Variants in PTK2B observed in about 807,000 individuals in gnomAD.
PTK2B encodes protein-tyrosine kinase 2-beta.
A neutral mutation model predicts 142.9 loss-of-function variants in PTK2B; 71 were observed. That is an observed-to-expected ratio of 0.50 (90% CI 0.41 to 0.61). The LOEUF (loss-of-function observed/expected upper bound fraction) is 0.61, where lower values mean the gene tolerates loss of function less well. Ranked by LOEUF, PTK2B falls within the 20% of genes least tolerant of loss-of-function variation. The pLI is 0.00. For synonymous variants in PTK2B, 519 were observed against 503.4 expected, an observed-to-expected ratio of 1.03 and a Z score of -0.42; for missense variants, 1,105 against 1,320.4, an observed-to-expected ratio of 0.84 and a Z score of 2.53.
chr8:27,416,836 G>A (rs958295270), intron 2 of PTK2B, among the ~76,000 whole-genome samples: 1 of 152,116 alleles, frequency 6.6e-6, no homozygotes, highest in Non-Finnish European at 1.5e-5. Flanking sequence ...TATATGAATG[G>A]CCTATAAACA....
intron 1 of PTK2B, among the ~76,000 whole-genome samples, chr8:27,326,404 A>G (rs1174306893): frequency 2.0e-5 from 3 of 152,182 alleles, no homozygotes; most frequent in East Asian, 1.9e-4. Context: ...CATATGGGTG[A>G]TGTTCTGCAA....
At chr8:27,360,061 G>T (rs1473132536) in intron 1 of PTK2B, among the ~76,000 whole-genome samples, 2 of 152,224 alleles carry the variant, frequency 1.3e-5, no homozygotes, top group Non-Finnish European at 2.9e-5. Flanking sequence ...TGATTAAGAT[G>T]TCTTTGTTAT....
At chr8:27,358,529 A>G (rs1805516626) in intron 1 of PTK2B, among the ~76,000 whole-genome samples, 1 of 151,976 alleles carries the variant, frequency 6.6e-6, no homozygotes, top group Non-Finnish European at 1.5e-5. Flanking sequence ...CTGTCTCTTT[A>G]TTTTTAACTT....
In PTK2B at chr8:27,458,647, T is replaced by G; in HGVS notation, c.*138T>G. On this transcript the variant is annotated 3_prime_UTR_variant, in exon 31 of 31. Transcript: ENST00000346049. ...TCCCTTGCCACTTTGCACGACGCCC[T>G]CTCCCCACCCCTACCCCTGGCTGTA... 1.2e-6 allele frequency: 1 copy of G among 837,944 alleles called. No homozygotes were observed. The highest frequency in any genetic ancestry group is 1.9e-6 in the Non-Finnish European group (1 of 534,834). 51.9% of individuals were successfully genotyped at this position (837,944 alleles called of 1,614,324 possible). A position where few individuals can be genotyped will look rare whatever the true frequency, so the allele number is the denominator to read the frequency against.
At chr8:27,311,412 G>T (rs961209824), upstream of PTK2B, 3 of 767,872 alleles carry the variant, frequency 3.9e-6, no homozygotes, top group East Asian at 3.0e-5. Context: ...GGGAGGGGGC[G>T]CTCGGAGGAG....
At chr8:27,326,054 C>G (rs1224148246) in intron 1 of PTK2B, among the ~76,000 whole-genome samples, 2 of 152,040 alleles carry the variant, frequency 1.3e-5, no homozygotes, top group Admixed American at 1.3e-4. Flanking sequence ...AGCTCCTGCC[C>G]CCGCTCCCCG....
intron 26 of PTK2B, 84 bp downstream of exon 26, chr8:27,451,162 C>T: frequency 2.0e-6 from 3 of 1,492,874 alleles, no homozygotes; most frequent in South Asian, 1.1e-5. Context: ...CCAACTTGCT[C>T]CTACCCCCAG....
chr8:27,451,715 CCTT>C (rs1811831133), intron 27 of PTK2B: 4 of 1,418,574 alleles, frequency 2.8e-6, no homozygotes, highest in Non-Finnish European at 3.7e-6. Flanking sequence ...AGCACCCTGC[CCTT>C]CTCTCTCTCA....
At chr8:27,420,608 C>A in intron 3 of PTK2B, 49 bp from the exon 4 acceptor site, 1 of 1,563,350 alleles carries the variant, frequency 6.4e-7, no homozygotes, top group Non-Finnish European at 8.8e-7. Flanking sequence ...CTCCTTTCTT[C>A]AGGCACCAGC....
rs10100812 is a variant in PTK2B, at chr8:27,456,371, G to A, written c.2814+1760G>A. 1.6e-3 allele frequency among the ~76,000 whole-genome samples: 246 copies of A among 152,186 alleles called. 3 individuals are homozygous for A. The East Asian group carries it at 0.043, about 27-fold the overall frequency. On this transcript the variant is annotated intron_variant, in intron 30 of 30. Coordinates refer to ENST00000346049, the MANE Select transcript of PTK2B (RefSeq NM_173176.3). ...CAAACTTTTTCATTATGATTATAAC[G>A]GCTATGGTTGGTGATTGGTGATTGG...
At position 27,432,329 on chromosome 8, in the gene PTK2B, G is replaced by A. The variant is rs759756524; in HGVS notation, c.955G>A (p.Val319Ile). ...RCLPLEEGQA[V>I]LQLGIEGAPQ... Reference sequence around the variant, plus strand: ...CCTCCCGCTGGAGGAGGGCCAGGCAGTACTTCAGCTGGGCATTGAAGGTGC... The same window carrying A: ...CCTCCCGCTGGAGGAGGGCCAGGCAATACTTCAGCTGGGCATTGAAGGTGC... Residue 319 changes from valine (V) to isoleucine (I), a missense_variant, in exon 10 of 31, where the codon GTA becomes ATA. Coordinates refer to ENST00000346049, the MANE Select transcript of PTK2B (RefSeq NM_173176.3). The A allele has an allele frequency of 6.1e-5, 99 of 1,613,904 alleles. No homozygotes were observed. Among genetic ancestry groups the A allele is most frequent in the Non-Finnish European group, 6.9e-5 (81 of 1,180,042 alleles).
chr8:27,450,101 C>A (rs1811709573), intron 24 of PTK2B, among the ~76,000 whole-genome samples: 1 of 152,100 alleles, frequency 6.6e-6, no homozygotes, highest in Non-Finnish European at 1.5e-5. Flanking sequence ...TTAAATAACC[C>A]AAGCTATTAT....
At chr8:27,450,240 T>C (rs1811717482) in intron 24 of PTK2B, among the ~76,000 whole-genome samples, 1 of 152,178 alleles carries the variant, frequency 6.6e-6, no homozygotes, top group Non-Finnish European at 1.5e-5. Context: ...GCAGCACCCC[T>C]GTCTCTCGAA....
intron 1 of PTK2B, among the ~76,000 whole-genome samples, chr8:27,345,449 G>A (rs1229425967): frequency 6.6e-6 from 1 of 152,206 alleles, no homozygotes; most frequent in African/African-American, 2.4e-5. Flanking sequence ...CTGGGCCACA[G>A]CGAGGACCTG....
intron 3 of PTK2B, among the ~76,000 whole-genome samples, chr8:27,314,818 ACAGTCC>A (rs1234757838): frequency 6.6e-6 from 1 of 152,092 alleles, no homozygotes; most frequent in Non-Finnish European, 1.5e-5. Flanking sequence ...TCCACCATTA[ACAGTCC>A]CAGCTACTCT....
chr8:27,320,980 C>CTTGTTTTTTTTT (rs1803199468), upstream of PTK2B, among the ~76,000 whole-genome samples: 1 of 39,398 alleles, frequency 2.5e-5, no homozygotes, highest in African/African-American at 1.0e-4. Context: ...ATACAAAAGG[C>CTTGTTTTTTTTT]TTTTTTTTTT....
At chr8:27,409,477 G>C (rs1808922516) in intron 2 of PTK2B, among the ~76,000 whole-genome samples, 1 of 152,112 alleles carries the variant, frequency 6.6e-6, no homozygotes, top group Admixed American at 6.5e-5. Flanking sequence ...TGCTGTGTTG[G>C]GGGCGAAGAA....
At chr8:27,352,451 A>G (rs933230888) in intron 1 of PTK2B, among the ~76,000 whole-genome samples, 3 of 152,166 alleles carry the variant, frequency 2.0e-5, no homozygotes, top group African/African-American at 4.8e-5. Context: ...ACCACAATCT[A>G]CTTAACGTCT....
chr8:27,393,335 T>G (rs573297552), intron 1 of PTK2B, among the ~76,000 whole-genome samples: 1 of 152,346 alleles, frequency 6.6e-6, no homozygotes, highest in East Asian at 1.9e-4. Context: ...AAGGGAGAAC[T>G]GAGGAACTTG....
Sources: gnomAD v4.1 joint callset for allele counts (sites outside exome capture counted in the v4.1 genomes callset) on GRCh38, gnomAD v4.1.1 for gene constraint, MANE v1.5 for transcripts, NCBI Gene and HGNC (gene_info 2026-07-23, HGNC 2026-07-21) for gene names.